MTM1: variants seen among roughly 807,000 people sequenced by gnomAD.
MTM1 encodes the protein myotubularin 1, also known as myotubularin.
MTM1 carries 9 observed loss-of-function variants against 52.1 expected under a neutral mutation model. The observed-to-expected ratio is 0.17, with a 90% confidence interval of 0.10 to 0.30. MTM1 has a LOEUF of 0.30. MTM1 is among the 10% of genes least tolerant of loss of function. The pLI is 1.00. For missense variants in MTM1, 277 were observed against 470.7 expected, an observed-to-expected ratio of 0.59 and a Z score of 3.81; for synonymous variants, 136 against 163.8, an observed-to-expected ratio of 0.83 and a Z score of 1.29.
intron 7 of MTM1, 31 bp from the exon 8 acceptor site, chrX:150,641,238 T>C (rs1557413845): frequency 1.7e-6 from 2 of 1,208,553 alleles, no homozygotes; most frequent in South Asian, 3.5e-5. Flanking sequence ...GGTCAAGCAA[T>C]ACTGACTTGA....
chrX:150,608,738 A>T (rs1170867110), intron 4 of MTM1, among the ~76,000 whole-genome samples: 16 of 110,952 alleles, frequency 1.4e-4, no homozygotes, highest in African/African-American at 5.3e-4. Flanking sequence ...AGATCTCTGG[A>T]ACTTACTCCT....
At chrX:150,639,177 A>G (rs782136951) in intron 7 of MTM1, 151 bp downstream of exon 7, 2 of 535,299 alleles carry the variant, frequency 3.7e-6, no homozygotes, top group Middle Eastern at 3.5e-4. Flanking sequence ...TGTACAATAT[A>G]TCTCATTCTA....
At chrX:150,586,908 T>A (rs1252781288) in intron 1 of MTM1, among the ~76,000 whole-genome samples, 1 of 82,550 alleles carries the variant, frequency 1.2e-5, no homozygotes, top group Non-Finnish European at 2.5e-5. Context: ...AGTGACACTC[T>A]GTCTCAAAAA....
At chrX:150,633,717 C>T (rs2039708578) in intron 6 of MTM1, among the ~76,000 whole-genome samples, 1 of 110,679 alleles carries the variant, frequency 9.0e-6, no homozygotes, top group Admixed American at 9.6e-5. Flanking sequence ...CCTGTTCAAA[C>T]GTTGCAAAAT....
At chrX:150,583,098 TA>T (rs1180521083) in intron 1 of MTM1, among the ~76,000 whole-genome samples, 25 of 85,285 alleles carry the variant, frequency 2.9e-4, no homozygotes, top group South Asian at 5.1e-4. Context: ...TATATATATT[TA>T]TATATAAATT....
At chrX:150,651,986 G>A (rs1380471362) in intron 10 of MTM1, among the ~76,000 whole-genome samples, 1 of 110,966 alleles carries the variant, frequency 9.0e-6, no homozygotes, top group African/African-American at 3.3e-5. Flanking sequence ...GTCTAGTGAT[G>A]TGGTGGGTGT....
intron 4 of MTM1, among the ~76,000 whole-genome samples, chrX:150,612,648 C>T (rs1368402918): frequency 9.0e-6 from 1 of 111,358 alleles, no homozygotes; most frequent in Admixed American, 9.5e-5. Context: ...AGTTTGCGAC[C>T]AGCCTGGACA....
At chrX:150,656,017 T>C (rs985546291) in intron 10 of MTM1, among the ~76,000 whole-genome samples, 2 of 111,979 alleles carry the variant, frequency 1.8e-5, no homozygotes, top group South Asian at 7.4e-4. Flanking sequence ...TTAAGTACCC[T>C]ACTGATTATG....
rs141415419 is a variant in MTM1, at chrX:150,647,041, T to C, written c.867+1170T>C. 9.7e-3 allele frequency among the ~76,000 whole-genome samples: 1,078 copies of C among 110,914 alleles called. 18 individuals are homozygous for C. The highest frequency in any genetic ancestry group is 0.033 in the African/African-American group (1,003 of 30,346). ...TGGTCCAGAGATGATTTTGAAATTATATGTGAAGCAGTCAGTAAGTTAAAT... is the reference window on the plus strand; with the variant it reads ...TGGTCCAGAGATGATTTTGAAATTACATGTGAAGCAGTCAGTAAGTTAAAT... On this transcript the variant is annotated intron_variant, in intron 9 of 14. Transcript: ENST00000370396.
intron 2 of MTM1, among the ~76,000 whole-genome samples, chrX:150,594,418 A>G (rs1557412562): frequency 1.8e-5 from 2 of 111,499 alleles, no homozygotes; most frequent in Admixed American, 9.5e-5. Context: ...CTTGTTCCTT[A>G]TATTTTGATA....
upstream of MTM1, among the ~76,000 whole-genome samples, chrX:150,567,678 C>T (rs1393969929): frequency 1.8e-5 from 2 of 111,033 alleles, no homozygotes; most frequent in Non-Finnish European, 3.8e-5. Context: ...CTCAGCTTCC[C>T]GAGCAGCTGG....
Position 150,648,659 on chromosome X carries a change from A to G in MTM1, c.868-1057A>G, listed in dbSNP as rs1396660989. On this transcript the variant is annotated intron_variant, in intron 9 of 14. Coordinates refer to ENST00000370396, the MANE Select transcript of MTM1 (RefSeq NM_000252.3). The stretch of plus-strand genomic sequence containing the variant: ...CCAGATTCCTAAATGAAACCATAGC[A>G]TCTCTTTTTGTCAGTGTGGAAAATG... Among the ~76,000 whole-genome samples, 4 of 113,072 alleles carry G rather than the reference A, an allele frequency of 3.5e-5. No homozygotes were observed. In the East Asian group the frequency reaches 1.1e-3, roughly 31 times the overall value.
intron 1 of MTM1, among the ~76,000 whole-genome samples, chrX:150,586,109 T>C: frequency 8.9e-6 from 1 of 112,443 alleles, no homozygotes; most frequent in East Asian, 2.8e-4. Context: ...TTAAAATGAA[T>C]TGTAAATATC....
chrX:150,637,939 G>A (rs1467056027), intron 6 of MTM1, among the ~76,000 whole-genome samples: 10 of 112,544 alleles, frequency 8.9e-5, no homozygotes, highest in Admixed American at 2.8e-4. Flanking sequence ...GGAAAGCTAC[G>A]GGAGGATTTG....
rs1557415172 is a variant in MTM1 at position 150,672,240 on chromosome X, A to C, written c.*645A>C. The stretch of plus-strand genomic sequence containing the variant: ...AAGCCTATTTTTATATTTTTAAAAA[A>C]CTGACAGGGCCCAGTTAAATATGAT... On this transcript the variant is annotated 3_prime_UTR_variant, in exon 15 of 15. Transcript: ENST00000370396. 1 of 111,971 alleles carries C rather than the reference A, an allele frequency of 8.9e-6. No homozygotes were observed. The highest frequency in any genetic ancestry group is 1.9e-5 in the Non-Finnish European group (1 of 53,219). The allele number at this position is 111,971 out of a possible 1,213,427, so 9.2% of individuals were successfully genotyped here.
intron 1 of MTM1, among the ~76,000 whole-genome samples, chrX:150,584,149 C>T (rs1480196698): frequency 6.7e-5 from 7 of 103,761 alleles, no homozygotes; most frequent in African/African-American, 2.5e-4. Context: ...TCCAAAGATG[C>T]TTATAAAAGC....
At chrX:150,573,345 G>C (rs2038413224) in intron 1 of MTM1, among the ~76,000 whole-genome samples, 1 of 112,446 alleles carries the variant, frequency 8.9e-6, no homozygotes, top group Non-Finnish European at 1.9e-5. Context: ...TGAGCAGTTT[G>C]AGTACAGATT....
At chrX:150,667,295 G>A (rs138828895) in intron 14 of MTM1, among the ~76,000 whole-genome samples, 111 of 111,203 alleles carry the variant, frequency 1.0e-3, no homozygotes, top group Non-Finnish European at 1.7e-3. Flanking sequence ...TCCACTTGAC[G>A]CCCTCCTTCA....
At chrX:150,582,962 A>G (rs781862769) in intron 1 of MTM1, among the ~76,000 whole-genome samples, 3 of 100,909 alleles carry the variant, frequency 3.0e-5, no homozygotes, top group African/African-American at 7.2e-5. Flanking sequence ...GGATTTGCCT[A>G]TGTTTTCATC....
Sources: gnomAD v4.1 joint callset for allele counts (sites outside exome capture counted in the v4.1 genomes callset) on GRCh38, gnomAD v4.1.1 for gene constraint, MANE v1.5 for transcripts, NCBI Gene and HGNC (gene_info 2026-07-23, HGNC 2026-07-21) for gene names.